ANKRD11: variants seen among roughly 807,000 people sequenced by gnomAD.
ANKRD11 encodes ankyrin repeat domain 11, also known as ankyrin repeat domain-containing protein 11.
In ANKRD11, 17 loss-of-function variants were observed where a neutral mutation model predicts 195.7. The observed-to-expected ratio is 0.09, with a 90% CI of 0.06 to 0.13. The LOEUF (loss-of-function observed/expected upper bound fraction) is 0.13. ANKRD11 is among the 10% of genes least tolerant of loss of function. The pLI, the probability that ANKRD11 is intolerant of heterozygous loss-of-function variation, is 1.00. For missense variants in ANKRD11, 3,735 were observed against 3,566.1 expected (o/e 1.05, Z -1.21); for synonymous variants, 1,953 against 1,528.1 (o/e 1.28, Z -6.49).
rs1436579512 is a variant in ANKRD11 at position 89,418,292 on chromosome 16, T to C, written c.-68A>G. ...ATGCAGTGAGTATTTACCGATTCCA[T>C]AGCTGAAAGTCAGTGCTGACGAGGA... On this transcript the variant is annotated 5_prime_UTR_variant, in exon 2 of 13. It removes an upstream start codon present in the reference 5' UTR. Coordinates refer to ENST00000301030, the MANE Select transcript of ANKRD11 (RefSeq NM_013275.6). 4.4e-6 allele frequency: 2 copies of C among 454,058 alleles called. No homozygotes were observed. Among genetic ancestry groups the C allele is most frequent in the East Asian group, 6.9e-5 (1 of 14,400 alleles). 28.1% of individuals were successfully genotyped at this position (454,058 alleles called of 1,614,324 possible). A position where few individuals can be genotyped will look rare whatever the true frequency, so the allele number is the denominator to read the frequency against.
At chr16:89,441,230 C>A (rs368723826) in intron 1 of ANKRD11, among the ~76,000 whole-genome samples, 1 of 150,940 alleles carries the variant, frequency 6.6e-6, no homozygotes. Flanking sequence ...AGTGAGACTC[C>A]GTCTCAAAAA....
intron 2 of ANKRD11, among the ~76,000 whole-genome samples, chr16:89,322,438 T>C (rs1390401844): frequency 1.3e-5 from 2 of 152,212 alleles, no homozygotes; most frequent in Non-Finnish European, 2.9e-5. Flanking sequence ...TATCGAATGG[T>C]GCCCAAGGCC....
intron 7 of ANKRD11, chr16:89,286,492 A>G (rs1468849449): frequency 3.9e-6 from 2 of 516,496 alleles, no homozygotes; most frequent in African/African-American, 3.9e-5. Context: ...CGTTGCCGCA[A>G]GTAGACGACT....
In ANKRD11 at chr16:89,281,663, C is replaced by T; in HGVS notation, c.4879G>A (p.Ala1627Thr). The T allele has an allele frequency of 6.2e-7, 1 of 1,614,168 alleles. No homozygotes were observed. Residue 1627 changes from alanine to threonine, a missense_variant, in exon 9 of 13, where the codon GCA becomes ACA. Physicochemically the swap from Ala to Thr is moderately conservative, Grantham distance 58. Coordinates refer to ENST00000301030, the MANE Select transcript of ANKRD11 (RefSeq NM_013275.6). This position sits in a 1 kb window ranked among gnomAD's most constrained non-coding sequence, Gnocchi z 5.5. ...AGACCCTTCTTCCGCCCGTCGTCTGCCGGCTTCGCCTTCTCCTTGAGCTTG... is the reference window on the plus strand; with the variant it reads ...AGACCCTTCTTCCGCCCGTCGTCTGTCGGCTTCGCCTTCTCCTTGAGCTTG... Reference protein sequence around the residue: ...DPKLKEKAKPADDGRKKGLDI... With the variant: ...DPKLKEKAKPTDDGRKKGLDI...
chr16:89,358,658 G>A (rs1367630621), intron 2 of ANKRD11, among the ~76,000 whole-genome samples: 1 of 152,068 alleles, frequency 6.6e-6, no homozygotes, highest in Non-Finnish European at 1.5e-5. Flanking sequence ...GTTTACCCAG[G>A]ATGCTGCCTG....
intron 9 of ANKRD11, chr16:89,278,276 G>A (rs552977079): frequency 2.9e-6 from 1 of 349,600 alleles, no homozygotes; most frequent in African/African-American, 2.1e-5. Flanking sequence ...CCCCCATGAG[G>A]AATCCCTGTG....
rs367764283 is a variant in ANKRD11, at chr16:89,281,268, G to T, written c.5274C>A (p.Pro1758=). The change falls in exon 9 of 13, where the codon CCC becomes CCA. Residue 1758 remains proline (P), a synonymous_variant. Transcript: ENST00000301030. The surrounding 1 kb of genome is among the most constrained non-coding windows in gnomAD (Gnocchi z 5.5). ...CCACGGAGAACCTGTCGAAAAAGGA[G>T]GGGGAGCAGGCGCTGGTGGGAGCGG... ...VPTAPTSACS[P]SFFDRFSVAS... is the part of the protein sequence containing the mutation. 6.2e-7 allele frequency: 1 copy of T among 1,614,254 alleles called. No homozygotes were observed. The highest frequency in any genetic ancestry group is 1.3e-5 in the African/African-American group (1 of 75,064).
chr16:89,395,220 A>G (rs985040648), intron 2 of ANKRD11, among the ~76,000 whole-genome samples: 1 of 152,234 alleles, frequency 6.6e-6, no homozygotes, highest in Non-Finnish European at 1.5e-5. Flanking sequence ...TCTTAACAGA[A>G]AGAATTATGC....
chr16:89,422,511 T>C (rs1005901434), intron 1 of ANKRD11, among the ~76,000 whole-genome samples: 1 of 152,314 alleles, frequency 6.6e-6, no homozygotes, highest in South Asian at 2.1e-4. Flanking sequence ...GGTGCGACTA[T>C]GGGTCAGTAA....
intron 1 of ANKRD11, among the ~76,000 whole-genome samples, chr16:89,439,024 T>C (rs186059714): frequency 6.6e-6 from 1 of 151,416 alleles, no homozygotes; most frequent in Non-Finnish European, 1.5e-5. Context: ...AAACAAAAAT[T>C]TTAACCTTTC....
intron 2 of ANKRD11, among the ~76,000 whole-genome samples, chr16:89,379,163 G>A (rs758683998): frequency 9.8e-5 from 15 of 152,336 alleles, no homozygotes; most frequent in Non-Finnish European, 1.8e-4. Context: ...TGCCTGCCCC[G>A]GCACACGGCC....
At chr16:89,468,477 G>C (rs2056958406) in intron 1 of ANKRD11, among the ~76,000 whole-genome samples, 2 of 152,214 alleles carry the variant, frequency 1.3e-5, no homozygotes, top group South Asian at 4.1e-4. Context: ...GGCTGAGACA[G>C]GTGGATCACT....
At position 89,451,505 on chromosome 16, in the gene ANKRD11, G is replaced by A. The variant is rs148255339; in HGVS notation, c.-144-33137C>T. Among the ~76,000 whole-genome samples, 877 of 146,666 alleles carry A rather than the reference G, an allele frequency of 6.0e-3. 7 individuals are homozygous for A. Among genetic ancestry groups the A allele is most frequent in the African/African-American group, 0.011 (446 of 39,836 alleles). The stretch of plus-strand genomic sequence containing the variant: ...CAGCTCACTGCAGACTCCGCCTCCC[G>A]AGTTTTCAAGCAATCCTCACACCTC... On this transcript the variant is annotated intron_variant, in intron 1 of 12. Transcript: ENST00000301030.
intron 11 of ANKRD11, among the ~76,000 whole-genome samples, chr16:89,273,341 C>A (rs1484644474): frequency 1.3e-5 from 2 of 152,186 alleles, no homozygotes; most frequent in East Asian, 3.8e-4. Context: ...ACCTGCGGTA[C>A]AAGAATGCAA....
chr16:89,464,278 C>T (rs2056806568), intron 1 of ANKRD11, among the ~76,000 whole-genome samples: 1 of 151,058 alleles, frequency 6.6e-6, no homozygotes, highest in African/African-American at 2.4e-5. Context: ...ATCTAACCCT[C>T]TTATCTAAAA....
chr16:89,330,378 AG>A (rs1414067772), intron 2 of ANKRD11, among the ~76,000 whole-genome samples: 1 of 151,852 alleles, frequency 6.6e-6, no homozygotes, highest in Non-Finnish European at 1.5e-5. Flanking sequence ...GTGGAGAGGG[AG>A]GGGCTGCTTC....
At chr16:89,431,479 T>G (rs1402014950) in intron 1 of ANKRD11, among the ~76,000 whole-genome samples, 1 of 152,180 alleles carries the variant, frequency 6.6e-6, no homozygotes, top group African/African-American at 2.4e-5. Flanking sequence ...GCCACCTCTG[T>G]GTTTCTTGTG....
At position 89,284,142 on chromosome 16, in the gene ANKRD11, T is replaced by G. The variant is rs1038667368; in HGVS notation, c.2400A>C (p.Glu800Asp). 1 of 1,605,192 alleles carries G rather than the reference T, an allele frequency of 6.2e-7. No individual in the cohort carries two copies. Among genetic ancestry groups the G allele is most frequent in the Non-Finnish European group, 8.5e-7 (1 of 1,177,446 alleles). ...TATAAACCTTTTCTTTTTTGAGTTTTTCTTTATCTTCTTTAAAAATCTTCT... is the reference window on the plus strand; with the variant it reads ...TATAAACCTTTTCTTTTTTGAGTTTGTCTTTATCTTCTTTAAAAATCTTCT... ...EKEKIFKEDKEKLKKEKVYRE... is the reference protein window; with the variant it reads ...EKEKIFKEDKDKLKKEKVYRE... The change falls in exon 9 of 13, where the codon GAA becomes GAC. Residue 800 changes from glutamate (E) to aspartate (D), a missense_variant. Transcript: ENST00000301030.
At chr16:89,287,003 ATGTG>A (rs1256637856) in intron 7 of ANKRD11, 2 of 1,289,552 alleles carry the variant, frequency 1.6e-6, no homozygotes, top group Non-Finnish European at 2.0e-6. Context: ...CAGAGTTCTT[ATGTG>A]TGTGAGTTTT....
Sources: allele counts gnomAD v4.1 joint callset (sites outside exome capture counted in the v4.1 genomes callset), GRCh38; gene constraint gnomAD v4.1.1; non-coding constraint Gnocchi (gnomAD v3.1); transcripts MANE v1.5; gene names NCBI Gene and HGNC (gene_info 2026-07-23, HGNC 2026-07-21).